Variants in PSMG2 observed in about 807,000 individuals in gnomAD.
PSMG2 encodes CD40 ligand-activated specific transcript 3.
Under a neutral mutation model 31.5 loss-of-function variants are expected in PSMG2, and 21 were observed. The ratio of observed to expected loss-of-function variants is 0.67; its 90% CI spans 0.47 to 0.96. The LOEUF (loss-of-function observed/expected upper bound fraction) is 0.96. Ranked by LOEUF, PSMG2 falls within the 40% of genes least tolerant of loss-of-function variation. The pLI, the probability that PSMG2 is intolerant of heterozygous loss-of-function variation, is 0.00. For synonymous variants in PSMG2, 120 were observed against 110.4 expected (o/e 1.09, Z -0.54); for missense variants, 318 against 321.2 (o/e 0.99, Z 0.08).
chr18:12,669,032 C>CTTTTTTTTTTT (rs71174122), intron 1 of PSMG2, among the ~76,000 whole-genome samples: 2 of 41,960 alleles, frequency 4.8e-5, no homozygotes, highest in African/African-American at 1.9e-4. Context: ...ACCCCCCGCA[C>CTTTTTTTTTTT]TTTTTTTTTT....
chr18:12,714,669 T>C (rs112743895), intron 3 of PSMG2, among the ~76,000 whole-genome samples: 1,696 of 151,476 alleles, frequency 0.011, 39 homozygotes, highest in African/African-American at 0.039. Flanking sequence ...AATTTTTGTA[T>C]TTTTTTGTAG....
chr18:12,668,096 C>T (rs909382800), intron 1 of PSMG2, among the ~76,000 whole-genome samples: 8 of 151,832 alleles, frequency 5.3e-5, no homozygotes, highest in African/African-American at 1.9e-4. Context: ...GAGACCCTGT[C>T]CCTACGAAAA....
chr18:12,684,960 T>C (rs1279801309), intron 1 of PSMG2: 4 of 152,098 alleles, frequency 2.6e-5, no homozygotes, highest in Non-Finnish European at 5.9e-5. Context: ...CAATTCAAGA[T>C]TTTTTTCTAT....
chr18:12,713,141 A>G (rs1405260476), intron 3 of PSMG2, among the ~76,000 whole-genome samples: 1 of 152,060 alleles, frequency 6.6e-6, no homozygotes, highest in Non-Finnish European at 1.5e-5. Flanking sequence ...TTCCTCCTCC[A>G]CTGCTGTCAT....
intron 1 of PSMG2, chr18:12,691,234 TTTA>T (rs1403925166): frequency 4.9e-6 from 3 of 609,418 alleles, no homozygotes; most frequent in African/African-American, 3.8e-5. Context: ...AAATCAGCAT[TTTA>T]TTTTACAAAT....
Position 12,690,244 on chromosome 18 carries a change from T to C in PSMG2, c.-36-16306T>C, listed in dbSNP as rs146704233. Among the ~76,000 whole-genome samples the C allele has an allele frequency of 3.1e-3, 476 of 152,168 alleles. 1 individual carries two copies. Among genetic ancestry groups the C allele is most frequent in the Non-Finnish European group, 6.0e-3 (406 of 68,016 alleles). ...TCTAGTCAACCTCTCATTCCCAAGC[T>C]CCCCATCTGGACACTAAACCACTTT... On this transcript the variant is annotated intron_variant, in intron 1 of 6. Transcript: ENST00000585331.
intron 3 of PSMG2, among the ~76,000 whole-genome samples, chr18:12,715,689 A>G (rs937333102): frequency 2.0e-5 from 3 of 152,166 alleles, no homozygotes; most frequent in Admixed American, 1.3e-4. Flanking sequence ...TACTTTTAGT[A>G]GAGTTGGGGT....
intron 1 of PSMG2, among the ~76,000 whole-genome samples, chr18:12,692,516 C>T (rs2039805234): frequency 6.6e-6 from 1 of 151,816 alleles, no homozygotes; most frequent in Admixed American, 6.6e-5. Flanking sequence ...GTGCTGGAAG[C>T]TCAGCCCCAA....
intron 1 of PSMG2, chr18:12,680,609 A>C (rs1393359212): frequency 1.5e-5 from 21 of 1,391,358 alleles, no homozygotes; most frequent in East Asian, 7.5e-5. Context: ...AAAAAAAAAA[A>C]AAAAAAAACT....
intron 1 of PSMG2, chr18:12,678,541 C>T: frequency 1.4e-6 from 1 of 716,192 alleles, no homozygotes; most frequent in Non-Finnish European, 2.3e-6. Flanking sequence ...ATAACTACTT[C>T]TCAGAACTAC....
chr18:12,714,352 G>A (rs961242324), intron 3 of PSMG2, among the ~76,000 whole-genome samples: 2 of 152,116 alleles, frequency 1.3e-5, no homozygotes, highest in Non-Finnish European at 2.9e-5. Context: ...TAGACATTAA[G>A]CTCATCCTGT....
Position 12,724,536 on chromosome 18 carries a change from T to C in PSMG2, c.619T>C (p.Phe207Leu), listed in dbSNP as rs750872318. The change falls in exon 6 of 7, where the codon TTT (phenylalanine) becomes CTT (leucine). Residue 207 changes from phenylalanine to leucine, a missense_variant. Physicochemically the swap from Phe to Leu is conservative, Grantham distance 22. Transcript: ENST00000317615. Reference sequence around the variant, plus strand: ...AATCCAAATGGCAGTTCTGCTGAAATTTGTTTCAGAAGGGGACAACATCCC... The same window carrying C: ...AATCCAAATGGCAGTTCTGCTGAAACTTGTTTCAGAAGGGGACAACATCCC... The part of the protein sequence containing the change: ...KEIQMAVLLK[F>L]VSEGDNIPDA... The C allele has an allele frequency of 1.9e-6, 3 of 1,607,948 alleles. No homozygotes were observed. Among genetic ancestry groups the C allele is most frequent in the Non-Finnish European group, 8.5e-7 (1 of 1,177,696 alleles).
chr18:12,708,033 A>G (rs1356043623), intron 2 of PSMG2, among the ~76,000 whole-genome samples: 2 of 152,112 alleles, frequency 1.3e-5, no homozygotes, highest in Non-Finnish European at 1.5e-5. Context: ...TGTAATCCCA[A>G]CACTTTGAGA....
At chr18:12,686,431 C>A in intron 1 of PSMG2, 1 of 1,609,918 alleles carries the variant, frequency 6.2e-7, no homozygotes, top group South Asian at 1.1e-5. Flanking sequence ...ACAGACTGGT[C>A]TATTTATCCC....
chr18:12,715,806 A>G lies in PSMG2; in HGVS notation c.289-2711A>G, dbSNP rs550394454. On this transcript the variant is annotated intron_variant, in intron 3 of 6. Coordinates refer to ENST00000317615, the MANE Select transcript of PSMG2 (RefSeq NM_020232.5). ...CAGGCGTGAGCCACTGTGCTCAGCC[A>G]TTATTTTAACTTTTTATCGAAGTAT... Among the ~76,000 whole-genome samples, 382 of 152,330 alleles carry G rather than the reference A, an allele frequency of 2.5e-3. 1 individual carries two copies. The highest frequency in any genetic ancestry group is 8.9e-3 in the African/African-American group (368 of 41,576).
chr18:12,720,147 T>C (rs769200355), intron 4 of PSMG2, among the ~76,000 whole-genome samples: 3 of 152,154 alleles, frequency 2.0e-5, no homozygotes, highest in Non-Finnish European at 4.4e-5. Flanking sequence ...ATGATGTAGA[T>C]CATAACTTTT....
intron 1 of PSMG2, chr18:12,662,243 C>G: frequency 2.3e-6 from 1 of 435,702 alleles, no homozygotes; most frequent in Non-Finnish European, 4.5e-6. Flanking sequence ...TTTTCATTGC[C>G]CACAATTGTA....
At chr18:12,687,906 G>C (rs9954201) in intron 1 of PSMG2, among the ~76,000 whole-genome samples, 2,718 of 152,058 alleles carry the variant, frequency 0.018, 93 homozygotes, top group African/African-American at 0.062. Flanking sequence ...AATATTAAAA[G>C]AATATCCTCA....
upstream of PSMG2, chr18:12,700,906 G>A (rs373326644): frequency 2.4e-4 from 345 of 1,415,376 alleles, 2 homozygotes; most frequent in African/African-American, 4.1e-3. Flanking sequence ...GTAGTGTTAC[G>A]CATTAGTATA....
Sources: allele counts gnomAD v4.1 joint callset (sites outside exome capture counted in the v4.1 genomes callset), GRCh38; gene constraint gnomAD v4.1.1; transcripts MANE v1.5; gene names NCBI Gene and HGNC (gene_info 2026-07-23, HGNC 2026-07-21).